Variants in PIK3R3 observed in about 807,000 individuals in gnomAD.
PIK3R3 encodes the protein phosphatidylinositol 3-kinase regulatory subunit gamma.
A neutral mutation model predicts 62.9 loss-of-function variants in PIK3R3; 64 were observed. The ratio of observed to expected loss-of-function variants is 1.02; its 90% CI spans 0.83 to 1.25. PIK3R3 has a LOEUF of 1.25. Ranked by LOEUF, PIK3R3 falls within the 50% of genes most tolerant of loss-of-function variation. The pLI is 0.00. For synonymous variants in PIK3R3, 165 were observed against 189.0 expected (o/e 0.87, Z 1.04); for missense variants, 614 against 561.6 (o/e 1.09, Z -0.94).
the PIK3R3 span, among the ~76,000 whole-genome samples, chr1:46,155,951 A>G: frequency 1.3e-5 from 2 of 152,124 alleles, no homozygotes; most frequent in South Asian, 2.1e-4. Context: ...TATAACAGAA[A>G]CTGTATGTCC....
At chr1:46,117,884 C>T (rs1654324581) in intron 1 of PIK3R3, among the ~76,000 whole-genome samples, 1 of 152,218 alleles carries the variant, frequency 6.6e-6, no homozygotes, top group African/African-American at 2.4e-5. Flanking sequence ...GTCTGGACAA[C>T]ACAGCAAGAT....
chr1:46,122,472 C>A (rs1174474365), intron 1 of PIK3R3, among the ~76,000 whole-genome samples: 1 of 152,086 alleles, frequency 6.6e-6, no homozygotes, highest in Non-Finnish European at 1.5e-5. Context: ...AGGGATCAAG[C>A]GATTCTCCTG....
At position 46,106,320 on chromosome 1, in the gene PIK3R3, G is replaced by C. The variant is rs149444027; in HGVS notation, c.106+25527C>G. On this transcript the variant is annotated intron_variant, in intron 1 of 9. Transcript: ENST00000262741. Reference sequence around the variant, plus strand: ...AGTTTTCGGTATGTTGCCCAGGCTGGTCTCAAAATCCTGGGCTCAAGTGGA... The same window carrying C: ...AGTTTTCGGTATGTTGCCCAGGCTGCTCTCAAAATCCTGGGCTCAAGTGGA... Among the ~76,000 whole-genome samples the C allele has an allele frequency of 6.6e-5, 10 of 152,214 alleles. No individual in the cohort carries two copies. In the East Asian group the frequency reaches 1.9e-3, roughly 29 times the overall value.
At chr1:46,128,871 A>G (rs1165023675) in intron 1 of PIK3R3, among the ~76,000 whole-genome samples, 3 of 152,216 alleles carry the variant, frequency 2.0e-5, no homozygotes, top group Non-Finnish European at 4.4e-5. Flanking sequence ...ACCTGAGGTC[A>G]GGAGTTCGAT....
At chr1:46,154,485 C>T in the PIK3R3 span, among the ~76,000 whole-genome samples, 741 of 152,222 alleles carry the variant, frequency 4.9e-3, 15 homozygotes, top group East Asian at 0.046. Context: ...GGGAGGATTG[C>T]TTGAGCCTGG....
chr1:46,100,117 A>C (rs1652516325), intron 1 of PIK3R3, among the ~76,000 whole-genome samples: 1 of 152,152 alleles, frequency 6.6e-6, no homozygotes, highest in Non-Finnish European at 1.5e-5. Context: ...TCTCATGCTG[A>C]ATTTCAATAA....
chr1:46,109,608 C>T (rs1200585978), intron 1 of PIK3R3, among the ~76,000 whole-genome samples: 5 of 151,982 alleles, frequency 3.3e-5, no homozygotes, highest in African/African-American at 4.8e-5. Context: ...CTCAACCTCC[C>T]GAGTAGCTGG....
rs1331276065 is a variant in PIK3R3 at position 46,071,696 on chromosome 1, C to CAA, written c.315-4607_315-4606dup. On this transcript the variant is annotated intron_variant, in intron 3 of 9. Transcript: ENST00000262741. ...GAGCAACAGAGCAAGACTCTGTCTC[C>CAA]AAAAAAAAAAAAAAAAATATATATA... 5.2e-4 allele frequency among the ~76,000 whole-genome samples: 9 copies of CAA among 17,234 alleles called. 1 individual carries two copies. Among genetic ancestry groups the CAA allele is most frequent in the East Asian group, 1.4e-3 (1 of 700 alleles). The allele number at this position is 17,234 out of a possible 152,430, so 11.3% of individuals were successfully genotyped here.
At chr1:46,167,493 T>C in the PIK3R3 span, among the ~76,000 whole-genome samples, 1 of 152,002 alleles carries the variant, frequency 6.6e-6, no homozygotes, top group South Asian at 2.1e-4. Context: ...TGGAGGGAGA[T>C]AAGGGTAAAG....
rs746111574 is a variant in PIK3R3, at chr1:46,042,853, A to C, written c.*820T>G. 3.3e-4 allele frequency: 66 copies of C among 197,716 alleles called. 1 individual carries two copies. The Middle Eastern group carries it at 0.02, about 61-fold the overall frequency. The allele number at this position is 197,716 out of a possible 1,614,324, so 12.2% of individuals were successfully genotyped here. A position where few individuals can be genotyped will look rare whatever the true frequency, so the allele number is the denominator to read the frequency against. ...ATGCTATTCCTCATCTCAGAGAAACAGGCAGGAAGGACAGAAGGGGTTAGT... is the reference window on the plus strand; with the variant it reads ...ATGCTATTCCTCATCTCAGAGAAACCGGCAGGAAGGACAGAAGGGGTTAGT... On this transcript the variant is annotated 3_prime_UTR_variant, in exon 10 of 10. Coordinates refer to ENST00000262741, the MANE Select transcript of PIK3R3 (RefSeq NM_003629.4). The surrounding 1 kb of genome is among the most constrained non-coding windows in gnomAD (Gnocchi z 4.3).
intron 1 of PIK3R3, among the ~76,000 whole-genome samples, chr1:46,107,272 C>T (rs139874470): frequency 3.5e-4 from 53 of 152,056 alleles, no homozygotes; most frequent in African/African-American, 7.5e-4. Context: ...ATTGCTTGAA[C>T]CTGGGAGGTT....
chr1:46,059,800 T>TA (rs934611797), intron 6 of PIK3R3, among the ~76,000 whole-genome samples: 7 of 149,090 alleles, frequency 4.7e-5, no homozygotes, highest in African/African-American at 9.9e-5. Flanking sequence ...CCTCAAAAAA[T>TA]AAAAAAAATT....
intron 1 of PIK3R3, among the ~76,000 whole-genome samples, chr1:46,090,965 C>A (rs1284209046): frequency 6.6e-6 from 1 of 151,934 alleles, no homozygotes; most frequent in East Asian, 1.9e-4. Context: ...TGGCCCTCTG[C>A]CTGTTTTCCA....
chr1:46,105,015 AACAT>A (rs2149446846), intron 1 of PIK3R3: 1 of 748,808 alleles, frequency 1.3e-6, no homozygotes, highest in East Asian at 2.5e-5. Flanking sequence ...AGCCACCAGA[AACAT>A]ACACCTGATT....
chr1:46,145,976 TTGGCCATA>T, the PIK3R3 span, among the ~76,000 whole-genome samples: 1 of 152,296 alleles, frequency 6.6e-6, no homozygotes, highest in Admixed American at 6.5e-5. Flanking sequence ...AGAAGCACCC[TTGGCCATA>T]TGGATTTCTC....
the PIK3R3 span, among the ~76,000 whole-genome samples, chr1:46,141,468 A>C: frequency 6.8e-6 from 1 of 146,946 alleles, no homozygotes; most frequent in South Asian, 2.2e-4. Context: ...ATGGGGTTTC[A>C]CCATCTTGGC....
At chr1:46,124,394 A>C (rs1654914022) in intron 1 of PIK3R3, among the ~76,000 whole-genome samples, 1 of 152,200 alleles carries the variant, frequency 6.6e-6, no homozygotes, top group African/African-American at 2.4e-5. Context: ...ATACCAATAA[A>C]AAATTATATC....
At chr1:46,090,422 C>G (rs926298507) in intron 1 of PIK3R3, among the ~76,000 whole-genome samples, 11 of 152,158 alleles carry the variant, frequency 7.2e-5, no homozygotes, top group African/African-American at 2.4e-4. Context: ...ACCTCCACCT[C>G]CTAGGTTCAG....
chr1:46,132,593 C>G lies in PIK3R3; in HGVS notation c.-641G>C. ...GGGCGCTCCCGCCGGGGTGTAAGAA[C>G]CAACCCGACCGCACCAACTGCCCTC... On this transcript the variant is annotated 5_prime_UTR_variant, in exon 1 of 10. Transcript: ENST00000262741. 1 of 1,288,808 alleles carries G rather than the reference C, an allele frequency of 7.8e-7. No individual in the cohort carries two copies. Among genetic ancestry groups the G allele is most frequent in the Non-Finnish European group, 1.0e-6 (1 of 988,386 alleles). The allele number at this position is 1,288,808 out of a possible 1,614,324, so 79.8% of individuals were successfully genotyped here.
Sources: gnomAD v4.1 joint callset for allele counts (sites outside exome capture counted in the v4.1 genomes callset) on GRCh38, gnomAD v4.1.1 for gene constraint, Gnocchi (gnomAD v3.1) non-coding constraint, MANE v1.5 for transcripts, NCBI Gene and HGNC (gene_info 2026-07-23, HGNC 2026-07-21) for gene names.